The following FBXO8 variants were observed in gnomAD, a reference collection of about 807,000 sequenced individuals.
The protein encoded by FBXO8 is F-box only protein 8.
A neutral mutation model predicts 33.4 loss-of-function variants in FBXO8; 15 were observed. The ratio of observed to expected loss-of-function variants is 0.45; its 90% confidence interval spans 0.30 to 0.69. FBXO8 has a LOEUF of 0.69. FBXO8 is among the 30% of genes least tolerant of loss of function. The pLI is 0.08. For missense variants in FBXO8, 274 were observed against 380.3 expected (o/e 0.72, Z 2.32); for synonymous variants, 132 against 131.5 (o/e 1.00, Z -0.02).
intron 1 of FBXO8, among the ~76,000 whole-genome samples, chr4:174,279,611 T>C (rs1172488184): frequency 6.6e-6 from 1 of 152,080 alleles, no homozygotes; most frequent in African/African-American, 2.4e-5. Flanking sequence ...ATTACAAAGC[T>C]ACAGTAACCA....
chr4:174,276,863 C>G (rs1280551953), intron 1 of FBXO8, among the ~76,000 whole-genome samples: 1 of 152,138 alleles, frequency 6.6e-6, no homozygotes. Flanking sequence ...GTATTTCAAA[C>G]AAGGTTCTGA....
chr4:174,245,183 C>T lies in FBXO8; in HGVS notation c.457-3965G>A, dbSNP rs371707648. 6.6e-6 allele frequency among the ~76,000 whole-genome samples: 1 copy of T among 151,742 alleles called. No homozygotes were observed. Among genetic ancestry groups the T allele is most frequent in the East Asian group, 1.9e-4 (1 of 5,186 alleles). On this transcript the variant is annotated intron_variant, in intron 3 of 5. Coordinates refer to ENST00000393674, the MANE Select transcript of FBXO8 (RefSeq NM_012180.3). This position sits in a 1 kb window ranked among gnomAD's most constrained non-coding sequence, Gnocchi z 4.6. The stretch of plus-strand genomic sequence containing the variant: ...TTTATCTGTGGCAATGAGACACATA[C>T]ATAAACATCTAGAATACACACGTGC...
chr4:174,276,671 G>A (rs2126450592), intron 1 of FBXO8, among the ~76,000 whole-genome samples: 1 of 123,252 alleles, frequency 8.1e-6, no homozygotes, highest in East Asian at 2.5e-4. Flanking sequence ...AAATTAATTT[G>A]TCCACTTTCA....
rs774724737 is a variant in FBXO8, at chr4:174,267,641, G to A, written c.-8-4541C>T. ...TATGATGCAGTTTCATGCGGGGTTCGTCCATGATTTCAAACTCTTGAAAAT... is the reference window on the plus strand; with the variant it reads ...TATGATGCAGTTTCATGCGGGGTTCATCCATGATTTCAAACTCTTGAAAAT... On this transcript the variant is annotated intron_variant, in intron 1 of 5. Coordinates refer to ENST00000393674, the MANE Select transcript of FBXO8 (RefSeq NM_012180.3). The surrounding 1 kb of genome is among the most constrained non-coding windows in gnomAD (Gnocchi z 4.7). 1.3e-5 allele frequency among the ~76,000 whole-genome samples: 2 copies of A among 152,144 alleles called. No individual in the cohort carries two copies. Among genetic ancestry groups the A allele is most frequent in the Non-Finnish European group, 2.9e-5 (2 of 68,018 alleles).
rs1481001243 is a variant in FBXO8 at position 174,261,057 on chromosome 4, T to C, written c.330-1232A>G. Among the ~76,000 whole-genome samples, 1 of 151,966 alleles carries C rather than the reference T, an allele frequency of 6.6e-6. No homozygotes were observed. The highest frequency in any genetic ancestry group is 2.4e-5 in the African/African-American group (1 of 41,446). On this transcript the variant is annotated intron_variant, in intron 2 of 5. Transcript: ENST00000393674. This position sits in a 1 kb window ranked among gnomAD's most constrained non-coding sequence, Gnocchi z 4.1. ...ATTTAACATGAGACTACCCTCTTAG[T>C]AGTTGATTTATACTGCTGCATTATT... is the stretch of plus-strand genomic sequence containing the variant.
rs928949299 is a variant in FBXO8, at chr4:174,259,609, T to C, written c.456+90A>G. 3 of 1,491,652 alleles carry C rather than the reference T, an allele frequency of 2.0e-6. No homozygotes were observed. The highest frequency in any genetic ancestry group is 2.7e-6 in the Non-Finnish European group (3 of 1,104,304). 92.4% of individuals were successfully genotyped at this position (1,491,652 alleles called of 1,614,324 possible). Reference sequence around the variant, plus strand: ...TCAAAAAAGCATGTTCAATGACTTTTTGTTTTCCCTGCTAGTTTATGATAT... The same window carrying C: ...TCAAAAAAGCATGTTCAATGACTTTCTGTTTTCCCTGCTAGTTTATGATAT... On this transcript the variant is annotated intron_variant, in intron 3 of 5. Transcript: ENST00000393674. The surrounding 1 kb of genome is among the most constrained non-coding windows in gnomAD (Gnocchi z 4.3).
chr4:174,257,588 G>A lies in FBXO8; in HGVS notation c.456+2111C>T, dbSNP rs760762050. 6.6e-6 allele frequency among the ~76,000 whole-genome samples: 1 copy of A among 152,004 alleles called. No homozygotes were observed. Among genetic ancestry groups the A allele is most frequent in the Non-Finnish European group, 1.5e-5 (1 of 68,014 alleles). ...CTTATGTACTGTACAGTACAGCACT[G>A]TACCATTCTGCCTCAGTTTTACTCC... On this transcript the variant is annotated intron_variant, in intron 3 of 5. Coordinates refer to ENST00000393674, the MANE Select transcript of FBXO8 (RefSeq NM_012180.3). The surrounding 1 kb of genome is among the most constrained non-coding windows in gnomAD (Gnocchi z 4.3).
chr4:174,249,381 C>T (rs777735657), intron 3 of FBXO8, among the ~76,000 whole-genome samples: 5 of 151,918 alleles, frequency 3.3e-5, no homozygotes, highest in Non-Finnish European at 7.4e-5. Context: ...ATAATTGAAA[C>T]TAATGAGAAA....
Position 174,237,453 on chromosome 4 carries a change from G to T in FBXO8, c.919C>A (p.Leu307Ile). 2.7e-5 allele frequency: 44 copies of T among 1,613,708 alleles called. No individual in the cohort carries two copies. Among genetic ancestry groups the T allele is most frequent in the Non-Finnish European group, 3.6e-5 (43 of 1,179,708 alleles). ...CCAATAAGGTAGATATTGTCATAAAGATGCCCTACAAAATCTTCACTAATA... is the reference window on the plus strand; with the variant it reads ...CCAATAAGGTAGATATTGTCATAAATATGCCCTACAAAATCTTCACTAATA... The part of the protein sequence containing the change: ...QNISEDFVGH[L>I]YDNIYLIGHV... Residue 307 changes from leucine (L) to isoleucine (I), a missense_variant, in exon 6 of 6, where the codon CTT becomes ATT. By Grantham distance (5) the Leu-to-Ile change is conservative. This residue lies in a region of FBXO8 where 186 missense variants were observed against 293.4 expected (regional missense o/e 0.63). Transcript: ENST00000393674. This position sits in a 1 kb window ranked among gnomAD's most constrained non-coding sequence, Gnocchi z 4.4.
chr4:174,247,066 T>G lies in FBXO8; in HGVS notation c.457-5848A>C, dbSNP rs1042070821. On this transcript the variant is annotated intron_variant, in intron 3 of 5. Transcript: ENST00000393674. This position sits in a 1 kb window ranked among gnomAD's most constrained non-coding sequence, Gnocchi z 4.6. ...TGTTAAGGTTAAGCAAAATCTACCA[T>G]ACATATGTTCAGAATCAGTAAATAT... Among the ~76,000 whole-genome samples, 3 of 152,064 alleles carry G rather than the reference T, an allele frequency of 2.0e-5. No individual in the cohort carries two copies. Among genetic ancestry groups the G allele is most frequent in the African/African-American group, 7.2e-5 (3 of 41,426 alleles).
At chr4:174,269,998 C>A (rs1736799698) in intron 1 of FBXO8, among the ~76,000 whole-genome samples, 1 of 152,136 alleles carries the variant, frequency 6.6e-6, no homozygotes, top group Non-Finnish European at 1.5e-5. Flanking sequence ...ATAAAATATT[C>A]ATGTTCAATT....
Position 174,270,737 on chromosome 4 carries a change from C to T in FBXO8, c.-8-7637G>A, listed in dbSNP as rs1481587956. On this transcript the variant is annotated intron_variant, in intron 1 of 5. Transcript: ENST00000393674. This position sits in a 1 kb window ranked among gnomAD's most constrained non-coding sequence, Gnocchi z 4.6. The stretch of plus-strand genomic sequence containing the variant: ...GTTCAAGTGATTCTCCTGTCTCAGC[C>T]TCCCGAGTGCTGGGATTACAGGCAC... Among the ~76,000 whole-genome samples the T allele has an allele frequency of 6.6e-6, 1 of 151,976 alleles. No individual in the cohort carries two copies. Among genetic ancestry groups the T allele is most frequent in the Admixed American group, 6.6e-5 (1 of 15,250 alleles).
Position 174,255,404 on chromosome 4 carries a change from T to C in FBXO8, c.456+4295A>G, listed in dbSNP as rs975944205. ...AACTACAAATTTCCTGTTTATACTT[T>C]AGCTGGTCCAATAACAAAAATAACA... On this transcript the variant is annotated intron_variant, in intron 3 of 5. Transcript: ENST00000393674. The surrounding 1 kb of genome is among the most constrained non-coding windows in gnomAD (Gnocchi z 4.3). Among the ~76,000 whole-genome samples the C allele has an allele frequency of 1.3e-5, 2 of 152,188 alleles. No homozygotes were observed.
Position 174,259,657 on chromosome 4 carries a change from A to G in FBXO8, c.456+42T>C. The G allele has an allele frequency of 6.3e-7, 1 of 1,593,734 alleles. No individual in the cohort carries two copies. Among genetic ancestry groups the G allele is most frequent in the South Asian group, 1.1e-5 (1 of 87,140 alleles). On this transcript the variant is annotated intron_variant, in intron 3 of 5. Coordinates refer to ENST00000393674, the MANE Select transcript of FBXO8 (RefSeq NM_012180.3). This position sits in a 1 kb window ranked among gnomAD's most constrained non-coding sequence, Gnocchi z 4.3. ...TATTGGAAAGCTGCAGCAAGATAGT[A>G]ATAAAGGTCACTGGATACAAATATT...
chr4:174,264,068 T>C (rs1736632315), intron 1 of FBXO8, among the ~76,000 whole-genome samples: 4 of 152,174 alleles, frequency 2.6e-5, no homozygotes, highest in Admixed American at 2.0e-4. Flanking sequence ...TCAAACAAAA[T>C]ACTTTTATCA....
At position 174,263,668 on chromosome 4, in the gene FBXO8, T is replaced by C. The variant is rs1240653025; in HGVS notation, c.-8-568A>G. Among the ~76,000 whole-genome samples the C allele has an allele frequency of 6.6e-6, 1 of 152,182 alleles. No homozygotes were observed. The highest frequency in any genetic ancestry group is 1.5e-5 in the Non-Finnish European group (1 of 68,024). On this transcript the variant is annotated intron_variant, in intron 1 of 5. Coordinates refer to ENST00000393674, the MANE Select transcript of FBXO8 (RefSeq NM_012180.3). This position sits in a 1 kb window ranked among gnomAD's most constrained non-coding sequence, Gnocchi z 4.2. ...GGCCCTGAAGTCTAATTCAGAAACC[T>C]TGTAAATTAGACACCTAGAACTCCA...
At chr4:174,238,661 T>C (rs1013337006) in intron 5 of FBXO8, among the ~76,000 whole-genome samples, 16 of 149,798 alleles carry the variant, frequency 1.1e-4, no homozygotes, top group African/African-American at 3.7e-4. Context: ...TATATAGACA[T>C]AGACATTTGT....
intron 3 of FBXO8, among the ~76,000 whole-genome samples, chr4:174,258,581 T>C (rs1262282010): frequency 6.6e-6 from 1 of 152,130 alleles, no homozygotes; most frequent in Admixed American, 6.6e-5. Flanking sequence ...TATACTTTGT[T>C]ATATTTCTGG....
At position 174,263,080 on chromosome 4, in the gene FBXO8, A is replaced by G. The variant is rs1736610965; in HGVS notation, c.13T>C (p.Leu5=). MGQG[L]WRVVRNQQLQ... is the part of the protein sequence containing the mutation. The stretch of plus-strand genomic sequence containing the variant: ...TGCTGGTTTCTGACCACTCTCCACA[A>G]CCCTTGACCCATCTGCAAGCCTGGG... The change falls in exon 2 of 6, where the codon TTG becomes CTG. Residue 5 remains leucine, a synonymous_variant. Coordinates refer to ENST00000393674, the MANE Select transcript of FBXO8 (RefSeq NM_012180.3). This position sits in a 1 kb window ranked among gnomAD's most constrained non-coding sequence, Gnocchi z 4.2. 3 of 1,611,070 alleles carry G rather than the reference A, an allele frequency of 1.9e-6. No individual in the cohort carries two copies. Among genetic ancestry groups the G allele is most frequent in the Admixed American group, 1.7e-5 (1 of 59,808 alleles).
Sources: allele counts gnomAD v4.1 joint callset (sites outside exome capture counted in the v4.1 genomes callset), GRCh38; gene constraint gnomAD v4.1.1; regional missense constraint gnomAD v4.1.1; non-coding constraint Gnocchi (gnomAD v3.1); transcripts MANE v1.5; gene names NCBI Gene and HGNC (gene_info 2026-07-23, HGNC 2026-07-21).